The following ZNF365 variants were observed in gnomAD, a reference collection of about 807,000 sequenced individuals.
The protein encoded by ZNF365 is zinc finger protein 365.
A neutral mutation model predicts 35.0 loss-of-function variants in ZNF365; 22 were observed. That is an observed-to-expected ratio of 0.63 (90% CI 0.45 to 0.90). The LOEUF is 0.90. Ranked by LOEUF, ZNF365 falls within the 40% of genes least tolerant of loss-of-function variation. The pLI is 0.00. For missense variants in ZNF365, 448 were observed against 500.3 expected, an observed-to-expected ratio of 0.90 and a Z score of 1.00; for synonymous variants, 188 against 196.2, an observed-to-expected ratio of 0.96 and a Z score of 0.35.
In ZNF365 at chr10:62,399,682, C is replaced by G. The variant is rs1839792763; in HGVS notation, c.1117C>G (p.Leu373Val). ...IHEQAESSRDLCRPPKKGELL... is the reference protein window; with the variant it reads ...IHEQAESSRDVCRPPKKGELL... ...CGAACAGGCTGAGTCCTCAAGAGAC[C>G]TCTGCAGACCTCCAAAGAAAGGGGA... The change falls in exon 5 of 5, where the codon CTC (leucine) becomes GTC (valine). Residue 373 changes from leucine to valine, a missense_variant. Coordinates refer to ENST00000395254, the MANE Select transcript of ZNF365 (RefSeq NM_014951.3). The G allele has an allele frequency of 1.2e-6, 2 of 1,614,048 alleles. No individual in the cohort carries two copies. Among genetic ancestry groups the G allele is most frequent in the Non-Finnish European group, 1.7e-6 (2 of 1,180,040 alleles).
chr10:62,388,633 G>A (rs2132418199), intron 3 of ZNF365, 57 bp downstream of exon 3: 1 of 1,590,580 alleles, frequency 6.3e-7, no homozygotes, highest in Non-Finnish European at 8.6e-7. Context: ...GTGAGAATGG[G>A]CTGAGGACAG....
In ZNF365 at chr10:62,394,449, C is replaced by T. The variant is rs560071169; in HGVS notation, c.925-4291C>T. 2.0e-5 allele frequency among the ~76,000 whole-genome samples: 3 copies of T among 152,292 alleles called. No individual in the cohort carries two copies. The East Asian group carries it at 5.8e-4, about 29-fold the overall frequency. On this transcript the variant is annotated intron_variant, in intron 3 of 4. Coordinates refer to ENST00000395254, the MANE Select transcript of ZNF365 (RefSeq NM_014951.3). ...TGAATTACTGCTAGTCCTGATGTAG[C>T]AACCTGCAGGACATAAATGCAACAC...
At chr10:62,397,491 T>C (rs988301425) in intron 3 of ZNF365, among the ~76,000 whole-genome samples, 2 of 152,218 alleles carry the variant, frequency 1.3e-5, no homozygotes, top group Non-Finnish European at 2.9e-5. Flanking sequence ...ACACCACTTA[T>C]TCTAGTGAAA....
intron 3 of ZNF365, among the ~76,000 whole-genome samples, chr10:62,450,182 T>C (rs1249907869): frequency 6.6e-6 from 1 of 152,172 alleles, no homozygotes; most frequent in Non-Finnish European, 1.5e-5. Context: ...CTCATTTCGT[T>C]TGGATTTTCA....
At chr10:62,470,441 A>T (rs76580278) in intron 4 of ZNF365, among the ~76,000 whole-genome samples, 1,611 of 152,358 alleles carry the variant, frequency 0.011, 14 homozygotes, top group Non-Finnish European at 0.015. Flanking sequence ...GATCCCAGGC[A>T]GAAGTTGCCA....
At chr10:62,439,304 T>A (rs899804828) in intron 3 of ZNF365, among the ~76,000 whole-genome samples, 2 of 152,146 alleles carry the variant, frequency 1.3e-5, no homozygotes, top group Admixed American at 1.3e-4. Context: ...TCCTTCATTG[T>A]GTTTATTCCA....
chr10:62,381,814 T>G (rs1370839023), intron 2 of ZNF365, among the ~76,000 whole-genome samples: 1 of 152,218 alleles, frequency 6.6e-6, no homozygotes. Context: ...TGATTCCATC[T>G]CTAATTTCCA....
intron 3 of ZNF365, among the ~76,000 whole-genome samples, chr10:62,448,242 A>C (rs933193491): frequency 6.6e-6 from 1 of 152,184 alleles, no homozygotes; most frequent in Non-Finnish European, 1.5e-5. Flanking sequence ...CACATATCTT[A>C]AGGGTATATT....
chr10:62,407,321 T>C (rs1458354849), downstream of ZNF365, among the ~76,000 whole-genome samples: 1 of 152,174 alleles, frequency 6.6e-6, no homozygotes, highest in Non-Finnish European at 1.5e-5. Context: ...TCCCCTGAAC[T>C]GCTGTATAGA....
rs1841157204 is a variant in ZNF365 at position 62,477,765 on chromosome 10, A to T, written c.982-2111A>T. Among the ~76,000 whole-genome samples the T allele has an allele frequency of 2.0e-5, 3 of 152,152 alleles. 1 individual carries two copies. The South Asian group carries it at 6.2e-4, about 32-fold the overall frequency. On this transcript the variant is annotated intron_variant, in intron 4 of 4. Transcript: ENST00000395255. Reference sequence around the variant, plus strand: ...TGTTGTCAGTCTCATGGCAGAGAAAAGAGACATGGTGACCCATGTCTCTCA... The same window carrying T: ...TGTTGTCAGTCTCATGGCAGAGAAATGAGACATGGTGACCCATGTCTCTCA...
intron 3 of ZNF365, among the ~76,000 whole-genome samples, chr10:62,413,844 C>G (rs1840028644): frequency 6.6e-6 from 1 of 152,282 alleles, no homozygotes; most frequent in African/African-American, 2.4e-5. Flanking sequence ...CATCCTCTAT[C>G]AAAACTTCTG....
intron 3 of ZNF365, among the ~76,000 whole-genome samples, chr10:62,420,758 T>C (rs1840153773): frequency 6.8e-6 from 1 of 147,734 alleles, no homozygotes; most frequent in South Asian, 2.2e-4. Context: ...TCTTCTAGAA[T>C]GGTTTCTGTT....
intron 2 of ZNF365, 147 bp downstream of exon 2, chr10:62,377,083 C>G: frequency 8.9e-7 from 1 of 1,127,936 alleles, no homozygotes; most frequent in Non-Finnish European, 1.2e-6. Context: ...CCAGGAGGAA[C>G]AAGGCTTTGA....
intron 3 of ZNF365, among the ~76,000 whole-genome samples, chr10:62,435,195 T>A (rs187120670): frequency 2.6e-5 from 4 of 152,316 alleles, no homozygotes; most frequent in African/African-American, 7.2e-5. Flanking sequence ...TTAGACATGA[T>A]CTTCTTCACT....
chr10:62,442,941 G>A (rs1840525552), intron 3 of ZNF365, among the ~76,000 whole-genome samples: 2 of 152,182 alleles, frequency 1.3e-5, no homozygotes, highest in South Asian at 4.1e-4. Flanking sequence ...AGCACCATTA[G>A]CTTTAGAATT....
At chr10:62,471,723 T>C (rs149989476) in intron 4 of ZNF365, among the ~76,000 whole-genome samples, 683 of 152,326 alleles carry the variant, frequency 4.5e-3, no homozygotes, top group Middle Eastern at 0.014. Flanking sequence ...TTTCCTGCAT[T>C]TTTTTAACAT....
At position 62,376,817 on chromosome 10, in the gene ZNF365, G is replaced by A; in HGVS notation, c.624G>A (p.Lys208=). 2.5e-6 allele frequency: 4 copies of A among 1,614,210 alleles called. No individual in the cohort carries two copies. The highest frequency in any genetic ancestry group is 1.3e-5 in the African/African-American group (1 of 75,064). Residue 208 remains lysine, a synonymous_variant, in exon 2 of 5, where the codon AAG becomes AAA. Transcript: ENST00000395254. ...RAAFVQLTQK[K]QEVQRRERAL... is the part of the protein sequence containing the mutation. ...CTTTTGTGCAGCTGACTCAGAAAAA[G>A]CAGGAAGTTCAGAGACGAGAGCGGG...
Position 62,401,323 on chromosome 10 carries a change from T to C in ZNF365, c.*1534T>C. 1 of 985,556 alleles carries C rather than the reference T, an allele frequency of 1.0e-6. No individual in the cohort carries two copies. The highest frequency in any genetic ancestry group is 1.2e-6 in the Non-Finnish European group (1 of 829,924). The allele number at this position is 985,556 out of a possible 1,614,324, so 61.1% of individuals were successfully genotyped here. On this transcript the variant is annotated 3_prime_UTR_variant, in exon 5 of 5. Transcript: ENST00000395254. ...GTAATTAACATTGGCAGAATTATGA[T>C]TGTTACTGCAATAAGCATCAAATTA...
chr10:62,465,888 C>T (rs911349216), intron 4 of ZNF365, among the ~76,000 whole-genome samples: 2 of 152,160 alleles, frequency 1.3e-5, no homozygotes, highest in African/African-American at 4.8e-5. Context: ...TTCTTGGGGC[C>T]CAGACCCCAG....
Sources: gnomAD v4.1 joint callset for allele counts (sites outside exome capture counted in the v4.1 genomes callset) on GRCh38, gnomAD v4.1.1 for gene constraint, MANE v1.5 for transcripts, NCBI Gene and HGNC (gene_info 2026-07-23, HGNC 2026-07-21) for gene names.